The following PCSK2 variants were observed in gnomAD, a reference collection of about 807,000 sequenced individuals.
PCSK2 encodes the protein neuroendocrine convertase 2.
Under a neutral mutation model 69.7 loss-of-function variants are expected in PCSK2, and 14 were observed. That is an observed-to-expected ratio of 0.20 (90% CI 0.13 to 0.31). The LOEUF (loss-of-function observed/expected upper bound fraction) is 0.31. Ranked by LOEUF, PCSK2 falls within the 10% of genes least tolerant of loss-of-function variation. The probability of loss-of-function intolerance (pLI) is 1.00; values close to 1 mark genes in which losing one functional copy is unlikely to be tolerated. For missense variants in PCSK2, 544 were observed against 842.5 expected, an observed-to-expected ratio of 0.65 and a Z score of 4.39; for synonymous variants, 307 against 320.7, an observed-to-expected ratio of 0.96 and a Z score of 0.46.
At chr20:17,445,340 C>T (rs2032677599) in intron 8 of PCSK2, among the ~76,000 whole-genome samples, 2 of 144,568 alleles carry the variant, frequency 1.4e-5, no homozygotes, top group African/African-American at 2.5e-5. Context: ...CTTTTGCTGG[C>T]TCTGATGACT....
At chr20:17,427,638 G>T (rs1032998707) in intron 6 of PCSK2, among the ~76,000 whole-genome samples, 5 of 152,142 alleles carry the variant, frequency 3.3e-5, no homozygotes, top group African/African-American at 7.2e-5. Context: ...ATTGATTATT[G>T]CTCCCAAGTC....
chr20:17,307,748 A>G (rs1989371876), intron 2 of PCSK2, among the ~76,000 whole-genome samples: 1 of 152,248 alleles, frequency 6.6e-6, no homozygotes, highest in Admixed American at 6.5e-5. Context: ...TTAAAAAGCA[A>G]TAAATAAAAA....
chr20:17,475,558 G>A (rs1382600110), intron 11 of PCSK2, among the ~76,000 whole-genome samples: 1 of 152,072 alleles, frequency 6.6e-6, no homozygotes, highest in Non-Finnish European at 1.5e-5. Flanking sequence ...AGCAAAAGTG[G>A]CTGTCTCATC....
chr20:17,227,783 A>G (rs942133284), intron 1 of PCSK2, among the ~76,000 whole-genome samples: 1 of 152,182 alleles, frequency 6.6e-6, no homozygotes, highest in African/African-American at 2.4e-5. Flanking sequence ...CGAGGTACCA[A>G]GTTCTCGAGG....
At chr20:17,321,535 G>A (rs374763369) in intron 2 of PCSK2, among the ~76,000 whole-genome samples, 1 of 152,170 alleles carries the variant, frequency 6.6e-6, no homozygotes, top group East Asian at 1.9e-4. Flanking sequence ...GGAAAGACAG[G>A]CATATAAAGC....
At chr20:17,261,031 A>G (rs1987362962) in intron 2 of PCSK2, among the ~76,000 whole-genome samples, 1 of 152,014 alleles carries the variant, frequency 6.6e-6, no homozygotes, top group Non-Finnish European at 1.5e-5. Flanking sequence ...AATCAAACAT[A>G]TCATCTTAGC....
At chr20:17,463,034 A>G (rs1002812517) in intron 10 of PCSK2, among the ~76,000 whole-genome samples, 1 of 152,246 alleles carries the variant, frequency 6.6e-6, no homozygotes, top group African/African-American at 2.4e-5. Flanking sequence ...AGCAGGTCAA[A>G]CAGTGTCATA....
chr20:17,450,589 G>T (rs925487255), intron 8 of PCSK2, among the ~76,000 whole-genome samples: 9 of 152,170 alleles, frequency 5.9e-5, no homozygotes, highest in African/African-American at 2.2e-4. Flanking sequence ...AGGCAGAAAT[G>T]GATCAAGCCT....
chr20:17,465,817 G>A (rs1488929507), intron 11 of PCSK2, among the ~76,000 whole-genome samples: 1 of 152,148 alleles, frequency 6.6e-6, no homozygotes, highest in South Asian at 2.1e-4. Context: ...ACAGGCATGC[G>A]CCACCACACC....
chr20:17,229,157 A>G (rs1986049947), intron 1 of PCSK2, among the ~76,000 whole-genome samples: 2 of 151,894 alleles, frequency 1.3e-5, no homozygotes, highest in Non-Finnish European at 2.9e-5. Flanking sequence ...TAATCTTCTC[A>G]ACATCTCTGA....
At chr20:17,324,437 G>A (rs1029015423) in intron 2 of PCSK2, among the ~76,000 whole-genome samples, 1 of 152,142 alleles carries the variant, frequency 6.6e-6, no homozygotes, top group African/African-American at 2.4e-5. Context: ...AGTAGAATCT[G>A]GGTAACTAAT....
In PCSK2 at chr20:17,243,361, T is replaced by G. The variant is rs901270588; in HGVS notation, c.177+15879T>G. Among the ~76,000 whole-genome samples the G allele has an allele frequency of 3.3e-5, 5 of 152,168 alleles. No homozygotes were observed. The East Asian group carries it at 5.8e-4, about 18-fold the overall frequency. On this transcript the variant is annotated intron_variant, in intron 1 of 11. Coordinates refer to ENST00000262545, the MANE Select transcript of PCSK2 (RefSeq NM_002594.5). ...GACTACAGGCACACACCACCTAATCTGACTAGGTTTTTATTTTTTCTAAAG... is the reference window on the plus strand; with the variant it reads ...GACTACAGGCACACACCACCTAATCGGACTAGGTTTTTATTTTTTCTAAAG...
chr20:17,275,373 G>A (rs1046352734), intron 2 of PCSK2, among the ~76,000 whole-genome samples: 1 of 152,058 alleles, frequency 6.6e-6, no homozygotes, highest in Non-Finnish European at 1.5e-5. Flanking sequence ...GCCATTTATT[G>A]TCTATGTGGG....
chr20:17,441,589 C>T (rs1453032328), intron 8 of PCSK2, among the ~76,000 whole-genome samples: 1 of 152,142 alleles, frequency 6.6e-6, no homozygotes. Context: ...ACCTCACAAT[C>T]ATGGTGGAAG....
chr20:17,312,504 C>T lies in PCSK2; in HGVS notation c.283-45823C>T, dbSNP rs926327807. Among the ~76,000 whole-genome samples, 7 of 151,942 alleles carry T rather than the reference C, an allele frequency of 4.6e-5. No homozygotes were observed. The East Asian group carries it at 5.8e-4, about 13-fold the overall frequency. On this transcript the variant is annotated intron_variant, in intron 2 of 11. Coordinates refer to ENST00000262545, the MANE Select transcript of PCSK2 (RefSeq NM_002594.5). ...TTGTAGTGAACAAGAAAGCCAAGCA[C>T]GAAGTGTTCAAAAAACTAACCCGAC...
At chr20:17,283,964 C>T (rs1009669037) in intron 2 of PCSK2, among the ~76,000 whole-genome samples, 2 of 152,172 alleles carry the variant, frequency 1.3e-5, no homozygotes, top group African/African-American at 4.8e-5. Flanking sequence ...GGCCAGAATC[C>T]ACATTTCCCA....
intron 2 of PCSK2, among the ~76,000 whole-genome samples, chr20:17,265,345 G>T (rs1471626438): frequency 3.3e-5 from 5 of 152,146 alleles, no homozygotes; most frequent in Non-Finnish European, 4.4e-5. Flanking sequence ...TATACCCAAA[G>T]AATAGGCTGT....
At chr20:17,288,463 C>T (rs1281123957) in intron 2 of PCSK2, among the ~76,000 whole-genome samples, 1 of 152,208 alleles carries the variant, frequency 6.6e-6, no homozygotes. Context: ...TACTCACCTG[C>T]TCCACCACTA....
At chr20:17,479,791 C>T in intron 11 of PCSK2, among the ~76,000 whole-genome samples, 1 of 95,754 alleles carries the variant, frequency 1.0e-5, no homozygotes, top group Admixed American at 1.1e-4. Flanking sequence ...AGCAAGACTC[C>T]GTCTCAAAAA....
Sources: gnomAD v4.1 joint callset for allele counts (sites outside exome capture counted in the v4.1 genomes callset) on GRCh38, gnomAD v4.1.1 for gene constraint, MANE v1.5 for transcripts, NCBI Gene and HGNC (gene_info 2026-07-23, HGNC 2026-07-21) for gene names.